DAB1: variants seen among roughly 807,000 people sequenced by gnomAD.
DAB1 encodes DAB adaptor protein 1.
In DAB1, 15 loss-of-function variants were observed where a neutral mutation model predicts 64.6. That is an observed-to-expected ratio of 0.23 (90% CI 0.16 to 0.36). The LOEUF is 0.36. Among genes scored for constraint, DAB1 ranks in the 10% least tolerant of loss-of-function variants. The probability of loss-of-function intolerance (pLI) is 1.00; values close to 1 mark genes in which losing one functional copy is unlikely to be tolerated. For synonymous variants in DAB1, 235 were observed against 251.9 expected (o/e 0.93, Z 0.64); for missense variants, 596 against 706.7 (o/e 0.84, Z 1.78).
chr1:57,553,481 G>GGA, intron 7 of DAB1, among the ~76,000 whole-genome samples: 1 of 92,580 alleles, frequency 1.1e-5, no homozygotes, highest in South Asian at 5.8e-4. Flanking sequence ...AGAAAGGAAG[G>GGA]AAGGAAGGAA....
intron 1 of DAB1, among the ~76,000 whole-genome samples, chr1:57,377,960 T>C (rs12124445): frequency 0.28 from 42,158 of 151,992 alleles, 6,078 homozygotes; most frequent in Non-Finnish European, 0.31. Flanking sequence ...GGAAGATGGC[T>C]AGACTTCAGC....
At chr1:57,278,643 G>A (rs915392027) in intron 2 of DAB1, among the ~76,000 whole-genome samples, 19 of 152,170 alleles carry the variant, frequency 1.2e-4, no homozygotes, top group African/African-American at 3.6e-4. Flanking sequence ...GGAGCAGGAG[G>A]ACTTTGACAG....
At chr1:58,158,866 A>G (rs1336689538) in intron 4 of DAB1, among the ~76,000 whole-genome samples, 1 of 152,342 alleles carries the variant, frequency 6.6e-6, no homozygotes, top group East Asian at 1.9e-4. Context: ...ATCTACACAC[A>G]TACACATGCA....
intron 1 of DAB1, among the ~76,000 whole-genome samples, chr1:57,375,028 T>C (rs537257515): frequency 1.1e-4 from 17 of 152,222 alleles, no homozygotes; most frequent in South Asian, 6.2e-4. Flanking sequence ...ATCATAACAA[T>C]AGAACATTCA....
At chr1:57,657,571 G>A (rs866571202) in intron 6 of DAB1, among the ~76,000 whole-genome samples, 3 of 152,158 alleles carry the variant, frequency 2.0e-5, no homozygotes, top group African/African-American at 7.2e-5. Context: ...CAATTTAGCA[G>A]CAGACAGGAC....
At chr1:57,564,605 A>C (rs1468326644) in intron 7 of DAB1, among the ~76,000 whole-genome samples, 3 of 152,226 alleles carry the variant, frequency 2.0e-5, no homozygotes. Flanking sequence ...GACGGAGCTG[A>C]AAACCATGGC....
intron 7 of DAB1, among the ~76,000 whole-genome samples, chr1:57,606,745 A>G (rs1321523434): frequency 7.6e-6 from 1 of 131,668 alleles, no homozygotes; most frequent in Non-Finnish European, 1.5e-5. Flanking sequence ...TATATATTAT[A>G]TAAATATATT....
intron 2 of DAB1, among the ~76,000 whole-genome samples, chr1:57,269,463 G>GC (rs145967733): frequency 0.022 from 3,299 of 152,106 alleles, 48 homozygotes; most frequent in African/African-American, 0.026. Context: ...TTTGGTAAGA[G>GC]CCCCCTGAAG....
At chr1:57,704,999 G>GA (rs1402073974) in intron 6 of DAB1, among the ~76,000 whole-genome samples, 3 of 151,574 alleles carry the variant, frequency 2.0e-5, no homozygotes, top group African/African-American at 7.3e-5. Context: ...AAAAGTCTGG[G>GA]AAAAAATCTG....
chr1:58,005,221 A>G (rs1448693772), intron 5 of DAB1, among the ~76,000 whole-genome samples: 3 of 152,052 alleles, frequency 2.0e-5, no homozygotes, highest in Non-Finnish European at 4.4e-5. Context: ...CTCCAATAAA[A>G]TCTCTCATGC....
intron 2 of DAB1, among the ~76,000 whole-genome samples, chr1:57,248,624 C>G (rs1230926571): frequency 6.6e-6 from 1 of 152,160 alleles, no homozygotes; most frequent in Non-Finnish European, 1.5e-5. Context: ...CAAAGTATTA[C>G]AGTTCCTGGA....
At chr1:57,374,623 TC>T (rs1680753982) in intron 1 of DAB1, among the ~76,000 whole-genome samples, 1 of 152,246 alleles carries the variant, frequency 6.6e-6, no homozygotes. Context: ...GACAATTCTT[TC>T]TTCATCTCCT....
At chr1:58,506,347 T>G in intron 2 of DAB1, 2 of 553,124 alleles carry the variant, frequency 3.6e-6, no homozygotes, top group Non-Finnish European at 6.4e-6. Context: ...GCAGGTTTGT[T>G]ACATACGTAT....
intron 3 of DAB1, among the ~76,000 whole-genome samples, chr1:58,432,113 A>G (rs1740340): frequency 0.59 from 89,153 of 151,918 alleles, 26,816 homozygotes; most frequent in African/African-American, 0.72. Context: ...CCTTGGTTCC[A>G]CCGGCTCCTC....
rs183110471 is a variant in DAB1, at chr1:58,362,529, G to A, written n.258-19126C>T. On this transcript the variant is annotated intron_variant and non_coding_transcript_variant, in intron 3 of 20. Coordinates refer to the DAB1 transcript ENST00000485760. ...TGCCTCCCTGTCCTTCCTGAATGTT[G>A]GTATTTAGACCATTTCTTGGATTCC... 2.0e-3 allele frequency among the ~76,000 whole-genome samples: 297 copies of A among 152,188 alleles called. 1 individual carries two copies. The highest frequency in any genetic ancestry group is 7.0e-3 in the African/African-American group (289 of 41,524).
At chr1:57,629,811 G>A (rs1430898269) in intron 7 of DAB1, among the ~76,000 whole-genome samples, 1 of 149,410 alleles carries the variant, frequency 6.7e-6, no homozygotes, top group Non-Finnish European at 1.5e-5. Flanking sequence ...ACGGAGCAAA[G>A]AGATATTGTC....
intron 7 of DAB1, among the ~76,000 whole-genome samples, chr1:57,565,952 C>A (rs1432705797): frequency 6.6e-6 from 1 of 152,206 alleles, no homozygotes; most frequent in African/African-American, 2.4e-5. Flanking sequence ...GAACTCTCCA[C>A]CCCAAATCAA....
At chr1:57,769,770 C>T (rs1649475949) in intron 6 of DAB1, among the ~76,000 whole-genome samples, 1 of 152,050 alleles carries the variant, frequency 6.6e-6, no homozygotes, top group Non-Finnish European at 1.5e-5. Context: ...CTAAGAGTTC[C>T]CGTTTTGGGG....
chr1:58,150,035 T>C (rs1654832149), intron 5 of DAB1, among the ~76,000 whole-genome samples: 2 of 152,234 alleles, frequency 1.3e-5, no homozygotes, highest in South Asian at 2.1e-4. Flanking sequence ...CTTCCATTCA[T>C]TGAAAGCCTT....
Sources: gnomAD v4.1 joint callset for allele counts (sites outside exome capture counted in the v4.1 genomes callset) on GRCh38, gnomAD v4.1.1 for gene constraint, MANE v1.5 for transcripts, NCBI Gene and HGNC (gene_info 2026-07-23, HGNC 2026-07-21) for gene names.